The following PPP2R2C variants were observed in gnomAD, a reference collection of about 807,000 sequenced individuals.
PPP2R2C encodes the protein protein phosphatase 2 regulatory subunit Bgamma, also known as protein phosphatase 2, regulatory subunit B, gamma.
Under a neutral mutation model 45.3 loss-of-function variants are expected in PPP2R2C, and 10 were observed. That is an observed-to-expected ratio of 0.22 (90% CI 0.14 to 0.37). PPP2R2C has a LOEUF of 0.37. PPP2R2C is among the 10% of genes least tolerant of loss of function. The pLI, the probability that PPP2R2C is intolerant of heterozygous loss-of-function variation, is 1.00. For missense variants in PPP2R2C, 308 were observed against 619.7 expected (o/e 0.50, Z 5.34); for synonymous variants, 257 against 245.4 (o/e 1.05, Z -0.44).
intron 1 of PPP2R2C, among the ~76,000 whole-genome samples, chr4:6,451,523 G>T (rs1482433390): frequency 6.6e-6 from 1 of 152,152 alleles, no homozygotes; most frequent in East Asian, 1.9e-4. Context: ...CGCGGGCTGG[G>T]GTCTGCTTTG....
intron 2 of PPP2R2C, among the ~76,000 whole-genome samples, chr4:6,499,365 C>T (rs1722973792): frequency 6.6e-6 from 1 of 152,204 alleles, no homozygotes; most frequent in Non-Finnish European, 1.5e-5. Context: ...AGCCTCACCC[C>T]ACCCCATCCT....
intron 5 of PPP2R2C, among the ~76,000 whole-genome samples, chr4:6,355,537 AGCC>A (rs1713089507): frequency 6.7e-6 from 1 of 149,710 alleles, no homozygotes; most frequent in African/African-American, 2.5e-5. Flanking sequence ...GAAAAAAGAA[AGCC>A]ACAGAAAGCA....
intron 2 of PPP2R2C, among the ~76,000 whole-genome samples, chr4:6,516,408 C>A (rs1429178841): frequency 6.6e-6 from 1 of 152,224 alleles, no homozygotes; most frequent in Non-Finnish European, 1.5e-5. Flanking sequence ...AGGTGAGGAC[C>A]ACCACTCCTC....
chr4:6,425,865 G>T (rs575183650), intron 1 of PPP2R2C, among the ~76,000 whole-genome samples: 23 of 151,442 alleles, frequency 1.5e-4, no homozygotes, highest in South Asian at 2.1e-4. Context: ...GTATGTGTGG[G>T]GTGTGTGTGT....
At chr4:6,339,715 T>C (rs578106366) in intron 6 of PPP2R2C, among the ~76,000 whole-genome samples, 1 of 149,284 alleles carries the variant, frequency 6.7e-6, no homozygotes, top group East Asian at 2.0e-4. Flanking sequence ...TGGGTGGAGG[T>C]GGGAAACATG....
chr4:6,405,726 C>G (rs558143780), intron 1 of PPP2R2C, among the ~76,000 whole-genome samples: 1 of 152,148 alleles, frequency 6.6e-6, no homozygotes, highest in South Asian at 2.1e-4. Context: ...ATGACAACAT[C>G]ACGAAAACCT....
intron 1 of PPP2R2C, among the ~76,000 whole-genome samples, chr4:6,394,761 C>A (rs962109715): frequency 6.6e-6 from 1 of 152,262 alleles, no homozygotes; most frequent in African/African-American, 2.4e-5. Context: ...CCTGTCCTCT[C>A]TGCTGGGGCT....
chr4:6,561,574 T>A (rs1201979769), intron 1 of PPP2R2C, among the ~76,000 whole-genome samples: 2 of 152,126 alleles, frequency 1.3e-5, no homozygotes, highest in Non-Finnish European at 2.9e-5. Context: ...ATTTTGCAAT[T>A]TTTTTATTCC....
chr4:6,345,442 G>A lies in PPP2R2C; in HGVS notation c.790+2404C>T, dbSNP rs1212252505. 6.6e-6 allele frequency among the ~76,000 whole-genome samples: 1 copy of A among 152,158 alleles called. No homozygotes were observed. The highest frequency in any genetic ancestry group is 1.5e-5 in the Non-Finnish European group (1 of 68,042). The stretch of plus-strand genomic sequence containing the variant: ...TAAGGCCAAAGATGAAATCAAGGAC[G>A]CAACTCAGCCAACCTTGAGATGAGG... On this transcript the variant is annotated intron_variant, in intron 6 of 8. Transcript: ENST00000382599. The surrounding 1 kb of genome is among the most constrained non-coding windows in gnomAD (Gnocchi z 5.3).
At chr4:6,377,699 G>A (rs1054048855) in intron 3 of PPP2R2C, among the ~76,000 whole-genome samples, 2 of 152,058 alleles carry the variant, frequency 1.3e-5, no homozygotes, top group African/African-American at 2.4e-5. Context: ...TGTCCTACCC[G>A]ACCCCAGGCT....
chr4:6,486,991 C>T (rs1722549739), intron 2 of PPP2R2C, among the ~76,000 whole-genome samples: 1 of 151,944 alleles, frequency 6.6e-6, no homozygotes, highest in Non-Finnish European at 1.5e-5. Context: ...TACTTTCTGG[C>T]TTCTTAGTTA....
At chr4:6,393,886 C>G (rs1716831154) in intron 1 of PPP2R2C, among the ~76,000 whole-genome samples, 1 of 152,170 alleles carries the variant, frequency 6.6e-6, no homozygotes, top group Non-Finnish European at 1.5e-5. Context: ...CAGGATGACA[C>G]CCAGCCTGGC....
intron 1 of PPP2R2C, among the ~76,000 whole-genome samples, chr4:6,409,486 C>T (rs1236019152): frequency 6.6e-6 from 1 of 152,176 alleles, no homozygotes; most frequent in Non-Finnish European, 1.5e-5. Context: ...AATAACAGCT[C>T]AGCCCACCTT....
chr4:6,552,119 A>G (rs139516239), intron 1 of PPP2R2C, among the ~76,000 whole-genome samples: 1 of 152,232 alleles, frequency 6.6e-6, no homozygotes, highest in Admixed American at 6.5e-5. Context: ...GGGAGACCTG[A>G]GCCCACTGTT....
At chr4:6,335,464 GGAGT>G (rs1172216533) in intron 6 of PPP2R2C, among the ~76,000 whole-genome samples, 8 of 152,192 alleles carry the variant, frequency 5.3e-5, no homozygotes, top group Non-Finnish European at 1.0e-4. Context: ...GGCAGAGAAA[GGAGT>G]GAGCAGGGGG....
chr4:6,404,023 C>T (rs1482871730), intron 1 of PPP2R2C, among the ~76,000 whole-genome samples: 2 of 152,186 alleles, frequency 1.3e-5, no homozygotes, highest in African/African-American at 4.8e-5. Flanking sequence ...GTGACCTTGT[C>T]TGTGACATGA....
chr4:6,377,144 C>T (rs1161886354), intron 3 of PPP2R2C, among the ~76,000 whole-genome samples: 1 of 152,210 alleles, frequency 6.6e-6, no homozygotes, highest in Non-Finnish European at 1.5e-5. Context: ...TAGCCATGTT[C>T]GGGAGAGCCT....
Position 6,443,894 on chromosome 4 carries a change from T to C in PPP2R2C, c.70+28266A>G, listed in dbSNP as rs145302019. Among the ~76,000 whole-genome samples the C allele has an allele frequency of 2.0e-5, 3 of 152,126 alleles. No homozygotes were observed. The East Asian group carries it at 5.8e-4, about 30-fold the overall frequency. On this transcript the variant is annotated intron_variant, in intron 1 of 8. Coordinates refer to ENST00000382599, the MANE Select transcript of PPP2R2C (RefSeq NM_020416.4). ...CTCTCAGGTGCAGCAACGAAGCAAG[T>C]GCTAGGCAGCTCCAACACAGCAGCA...
At chr4:6,545,289 T>C (rs182535767) in intron 1 of PPP2R2C, among the ~76,000 whole-genome samples, 14 of 152,372 alleles carry the variant, frequency 9.2e-5, no homozygotes, top group African/African-American at 3.1e-4. Context: ...AATCGTGTTA[T>C]AATTTATCAT....
Sources: gnomAD v4.1 joint callset for allele counts (sites outside exome capture counted in the v4.1 genomes callset) on GRCh38, gnomAD v4.1.1 for gene constraint, Gnocchi (gnomAD v3.1) non-coding constraint, MANE v1.5 for transcripts, NCBI Gene and HGNC (gene_info 2026-07-23, HGNC 2026-07-21) for gene names.